The following POC1B variants were observed in gnomAD, a reference collection of about 807,000 sequenced individuals.
POC1B encodes POC1 centriolar protein B.
Under a neutral mutation model 60.6 loss-of-function variants are expected in POC1B, and 44 were observed. That is an observed-to-expected ratio of 0.73 (90% CI 0.57 to 0.93). The LOEUF (loss-of-function observed/expected upper bound fraction) is 0.93. Among genes scored for constraint, POC1B ranks in the 40% least tolerant of loss-of-function variants. POC1B has a pLI of 0.00. For synonymous variants in POC1B, 180 were observed against 198.9 expected, an observed-to-expected ratio of 0.90 and a Z score of 0.80; for missense variants, 555 against 572.3, an observed-to-expected ratio of 0.97 and a Z score of 0.31.
the POC1B span, among the ~76,000 whole-genome samples, chr12:89,412,643 C>T: frequency 2.0e-5 from 3 of 150,586 alleles, no homozygotes; most frequent in Admixed American, 1.3e-4. Flanking sequence ...CACCAATGCA[C>T]TCCAGCCTGG....
chr12:89,475,156 TA>T (rs1394079661), intron 4 of POC1B, among the ~76,000 whole-genome samples: 12 of 152,208 alleles, frequency 7.9e-5, no homozygotes, highest in Non-Finnish European at 1.5e-4. Context: ...GCCAATTTGT[TA>T]CCAGAAGCTC....
chr12:89,524,371 G>C (rs368663814), intron 2 of POC1B: 1 of 1,614,040 alleles, frequency 6.2e-7, no homozygotes, highest in South Asian at 1.1e-5. Context: ...AAGCGGTCGA[G>C]ACAAATCCTC....
At chr12:89,467,544 G>T (rs1592606532) in intron 8 of POC1B, 73 bp downstream of exon 8, 2 of 1,262,962 alleles carry the variant, frequency 1.6e-6, no homozygotes, top group East Asian at 2.4e-5. Context: ...CTAGCTGGTT[G>T]TAAAACTCTT....
intron 4 of POC1B, among the ~76,000 whole-genome samples, chr12:89,485,494 C>T (rs1010500326): frequency 2.6e-5 from 4 of 152,180 alleles, no homozygotes; most frequent in Non-Finnish European, 5.9e-5. Context: ...TCCTTGAGGA[C>T]GGCCTCTGCA....
At chr12:89,480,964 G>A (rs745719875) in intron 4 of POC1B, among the ~76,000 whole-genome samples, 3 of 151,966 alleles carry the variant, frequency 2.0e-5, no homozygotes, top group Non-Finnish European at 2.9e-5. Context: ...TCAAACTCCT[G>A]GCCTCAAGTG....
intron 10 of POC1B, among the ~76,000 whole-genome samples, chr12:89,438,512 C>A (rs1247765041): frequency 6.6e-6 from 1 of 152,218 alleles, no homozygotes; most frequent in Non-Finnish European, 1.5e-5. Context: ...TAGCAATAAT[C>A]TCCACCAAAT....
chr12:89,423,434 A>G (rs1880628148), intron 11 of POC1B, among the ~76,000 whole-genome samples: 1 of 152,210 alleles, frequency 6.6e-6, no homozygotes, highest in Non-Finnish European at 1.5e-5. Flanking sequence ...CATTGTGCCC[A>G]GCCCTTCAGA....
At chr12:89,403,349 A>G in the POC1B span, among the ~76,000 whole-genome samples, 2 of 152,114 alleles carry the variant, frequency 1.3e-5, no homozygotes, top group Admixed American at 6.6e-5. Context: ...CAATGCCTCA[A>G]TTTGAAACTG....
At chr12:89,500,838 A>G in intron 2 of POC1B, 1 of 1,045,344 alleles carries the variant, frequency 9.6e-7, no homozygotes, top group Middle Eastern at 3.0e-4. Flanking sequence ...ATCTCAGAAT[A>G]GAATACGACA....
intron 2 of POC1B, among the ~76,000 whole-genome samples, chr12:89,515,321 TA>T (rs755415385): frequency 6.6e-6 from 1 of 152,050 alleles, no homozygotes; most frequent in South Asian, 2.1e-4. Flanking sequence ...TTTTTGAAGA[TA>T]GGGGTCCCAC....
chr12:89,434,461 G>T (rs1881167645), intron 10 of POC1B, among the ~76,000 whole-genome samples: 1 of 152,150 alleles, frequency 6.6e-6, no homozygotes, highest in Non-Finnish European at 1.5e-5. Context: ...GTAGTATACA[G>T]CTAGGACAAA....
intron 9 of POC1B, among the ~76,000 whole-genome samples, chr12:89,465,600 A>G (rs1882654271): frequency 6.6e-6 from 1 of 152,224 alleles, no homozygotes; most frequent in African/African-American, 2.4e-5. Context: ...AACTAGAAAC[A>G]GAAGCAAAAA....
intron 2 of POC1B, among the ~76,000 whole-genome samples, chr12:89,504,021 A>C (rs1405608099): frequency 8.5e-6 from 1 of 118,074 alleles, no homozygotes; most frequent in African/African-American, 3.3e-5. Flanking sequence ...CGCCCCATCC[A>C]GGAGGTGGGG....
chr12:89,407,383 A>T, the POC1B span, among the ~76,000 whole-genome samples: 2 of 151,144 alleles, frequency 1.3e-5, no homozygotes, highest in Admixed American at 1.3e-4. Context: ...TAGGTGCCTG[A>T]CACCATGCCC....
chr12:89,413,047 C>T, the POC1B span, among the ~76,000 whole-genome samples: 1,063 of 151,974 alleles, frequency 7.0e-3, 16 homozygotes, highest in African/African-American at 0.025. Flanking sequence ...TACAGGCACC[C>T]GCCACTATTC....
At chr12:89,504,008 C>G (rs1323809395) in intron 2 of POC1B, among the ~76,000 whole-genome samples, 3 of 147,036 alleles carry the variant, frequency 2.0e-5, no homozygotes, top group Admixed American at 2.0e-4. Context: ...TCTGCCCGGC[C>G]GCCGCCCCAT....
chr12:89,524,796 C>T, intron 2 of POC1B: 1 of 618,296 alleles, frequency 1.6e-6, no homozygotes, highest in East Asian at 2.8e-5. Context: ...TTCACAAACT[C>T]TCCAGCCAAC....
At position 89,525,196 on chromosome 12, in the gene POC1B, G is replaced by A. The variant is rs137879315; in HGVS notation, c.24C>T (p.Pro8=). MASATED[P]VLERYFKGHK... is the part of the protein sequence containing the mutation. ...GGCCTTTGAAATAACGCTCCAGAAC[G>A]GGGTCCTCCTGGAAAGGAAAGTTGT... The change falls in exon 2 of 12, where the codon CCC becomes CCT. Residue 8 remains proline (P), a synonymous_variant. Coordinates refer to ENST00000313546, the MANE Select transcript of POC1B (RefSeq NM_172240.3). The A allele has an allele frequency of 2.5e-6, 4 of 1,608,710 alleles. No homozygotes were observed. Among genetic ancestry groups the A allele is most frequent in the Admixed American group, 1.7e-5 (1 of 59,482 alleles).
At chr12:89,499,368 G>A (rs77029482) in intron 2 of POC1B, among the ~76,000 whole-genome samples, 6,293 of 152,188 alleles carry the variant, frequency 0.041, 421 homozygotes, top group East Asian at 0.32. Context: ...GGAAAGGAGC[G>A]GGGAAAGGTT....
Sources: gnomAD v4.1 joint callset for allele counts (sites outside exome capture counted in the v4.1 genomes callset) on GRCh38, gnomAD v4.1.1 for gene constraint, MANE v1.5 for transcripts, NCBI Gene and HGNC (gene_info 2026-07-23, HGNC 2026-07-21) for gene names.